EXOC6B: variants seen among roughly 807,000 people sequenced by gnomAD.
The protein encoded by EXOC6B is exocyst complex component 6B.
EXOC6B carries 54 observed loss-of-function variants against 113.5 expected under a neutral mutation model. The ratio of observed to expected loss-of-function variants is 0.48; its 90% CI spans 0.38 to 0.60. The LOEUF is 0.60. Among genes scored for constraint, EXOC6B ranks in the 20% least tolerant of loss-of-function variants. The probability of loss-of-function intolerance (pLI) is 0.00; values close to 1 mark genes in which losing one functional copy is unlikely to be tolerated. For missense variants in EXOC6B, 797 were observed against 977.5 expected (o/e 0.82, Z 2.46); for synonymous variants, 357 against 339.0 (o/e 1.05, Z -0.58).
intron 6 of EXOC6B, among the ~76,000 whole-genome samples, chr2:72,617,807 G>A (rs946873962): frequency 5.9e-5 from 9 of 151,894 alleles, no homozygotes; most frequent in African/African-American, 1.5e-4. Flanking sequence ...GAGCCACCGC[G>A]CCCGGCCAAG....
intron 20 of EXOC6B, among the ~76,000 whole-genome samples, chr2:72,220,435 C>T (rs1173657414): frequency 6.6e-6 from 1 of 152,164 alleles, no homozygotes; most frequent in Non-Finnish European, 1.5e-5. Flanking sequence ...CACAAGCAGA[C>T]TCCTATCATT....
intron 6 of EXOC6B, among the ~76,000 whole-genome samples, chr2:72,605,729 G>C (rs1172772769): frequency 6.6e-6 from 1 of 152,178 alleles, no homozygotes; most frequent in East Asian, 1.9e-4. Flanking sequence ...CTTTCAGGAA[G>C]GTTTATTTAT....
At chr2:72,438,175 T>C (rs1186910056) in intron 18 of EXOC6B, among the ~76,000 whole-genome samples, 2 of 152,140 alleles carry the variant, frequency 1.3e-5, no homozygotes, top group African/African-American at 4.8e-5. Flanking sequence ...AAGGAAACAA[T>C]TAAATTAGAA....
intron 20 of EXOC6B, among the ~76,000 whole-genome samples, chr2:72,320,730 T>G (rs1170361513): frequency 6.6e-6 from 1 of 152,116 alleles, no homozygotes; most frequent in Admixed American, 6.5e-5. Context: ...ATTATAACTG[T>G]ATGTCACTAA....
chr2:72,269,171 A>C (rs960458015), intron 20 of EXOC6B, among the ~76,000 whole-genome samples: 6 of 152,136 alleles, frequency 3.9e-5, no homozygotes, highest in Non-Finnish European at 7.4e-5. Context: ...CTAACTCTAC[A>C]GATTTCTAAA....
At chr2:72,654,280 C>T (rs1674433720) in intron 6 of EXOC6B, among the ~76,000 whole-genome samples, 2 of 152,122 alleles carry the variant, frequency 1.3e-5, no homozygotes, top group South Asian at 4.1e-4. Flanking sequence ...TTAAGGAATG[C>T]TTTTAGAGAT....
At chr2:72,591,705 A>G (rs1329795192) in intron 6 of EXOC6B, among the ~76,000 whole-genome samples, 3 of 152,164 alleles carry the variant, frequency 2.0e-5, no homozygotes, top group African/African-American at 7.2e-5. Flanking sequence ...CTCCTAATGA[A>G]ATTTAACCTT....
At chr2:72,477,060 T>C (rs1315518151) in intron 17 of EXOC6B, among the ~76,000 whole-genome samples, 1 of 152,166 alleles carries the variant, frequency 6.6e-6, no homozygotes, top group Non-Finnish European at 1.5e-5. Flanking sequence ...AGTCCCCTGG[T>C]GCTCAATCCT....
intron 19 of EXOC6B, among the ~76,000 whole-genome samples, chr2:72,355,157 T>C (rs1207397784): frequency 6.6e-6 from 1 of 152,202 alleles, no homozygotes; most frequent in African/African-American, 2.4e-5. Flanking sequence ...TGCCAGCTCC[T>C]ACAGAGAAAA....
chr2:72,485,382 A>T (rs1473500287), intron 16 of EXOC6B, among the ~76,000 whole-genome samples: 1 of 152,230 alleles, frequency 6.6e-6, no homozygotes, highest in Non-Finnish European at 1.5e-5. Context: ...CAAAGGAAGA[A>T]AATGAGAAGT....
At chr2:72,545,901 ATTATC>A (rs1405927828) in intron 8 of EXOC6B, among the ~76,000 whole-genome samples, 1 of 152,198 alleles carries the variant, frequency 6.6e-6, no homozygotes, top group Non-Finnish European at 1.5e-5. Flanking sequence ...TCATTAAGAA[ATTATC>A]TTAACACCTC....
intron 5 of EXOC6B, among the ~76,000 whole-genome samples, chr2:72,720,065 T>A (rs1406848631): frequency 6.6e-6 from 1 of 152,066 alleles, no homozygotes; most frequent in Non-Finnish European, 1.5e-5. Flanking sequence ...TTTACCAAAT[T>A]TATAGCAGCA....
At chr2:72,528,437 A>G (rs957354382) in intron 8 of EXOC6B, among the ~76,000 whole-genome samples, 1 of 152,104 alleles carries the variant, frequency 6.6e-6, no homozygotes, top group Non-Finnish European at 1.5e-5. Context: ...CTTGATTGCT[A>G]TAGCTACATA....
chr2:72,615,260 T>C (rs1573491374), intron 6 of EXOC6B, among the ~76,000 whole-genome samples: 1 of 152,178 alleles, frequency 6.6e-6, no homozygotes, highest in Middle Eastern at 3.4e-3. Context: ...TCAACTATTA[T>C]ATAAATAATT....
Position 72,499,455 on chromosome 2 carries a change from T to C in EXOC6B, c.1239+446A>G, listed in dbSNP as rs1256201902. Among the ~76,000 whole-genome samples the C allele has an allele frequency of 2.0e-5, 3 of 151,756 alleles. No individual in the cohort carries two copies. In the East Asian group the frequency reaches 5.8e-4, roughly 29 times the overall value. ...CATGTTGGCCAGGCTGGTCTCAAAC[T>C]CCTGACCTCAAGTGATCCGCCTGCC... On this transcript the variant is annotated intron_variant, in intron 12 of 21. Coordinates refer to ENST00000272427, the MANE Select transcript of EXOC6B (RefSeq NM_015189.3).
At chr2:72,606,631 C>CTTT (rs200868918) in intron 6 of EXOC6B, among the ~76,000 whole-genome samples, 1 of 144,722 alleles carries the variant, frequency 6.9e-6, no homozygotes, top group Non-Finnish European at 1.5e-5. Flanking sequence ...CACTTTCTTT[C>CTTT]TTTCTTTTTT....
intron 6 of EXOC6B, among the ~76,000 whole-genome samples, chr2:72,716,893 G>A (rs919556618): frequency 2.6e-5 from 4 of 152,104 alleles, no homozygotes; most frequent in African/African-American, 9.7e-5. Flanking sequence ...TAGAGGCTTT[G>A]TACTACACTC....
rs1000724833 is a variant in EXOC6B at position 72,477,117 on chromosome 2, C to G, written c.1800+3499G>C. Among the ~76,000 whole-genome samples the G allele has an allele frequency of 3.3e-5, 5 of 152,158 alleles. No homozygotes were observed. The South Asian group carries it at 1.0e-3, about 32-fold the overall frequency. On this transcript the variant is annotated intron_variant, in intron 17 of 21. Coordinates refer to ENST00000272427, the MANE Select transcript of EXOC6B (RefSeq NM_015189.3). Reference sequence around the variant, plus strand: ...CTCAAATCCCAGAAGAAAGTCCATCCTGTGCCATCAAATATCATCTTTACA... The same window carrying G: ...CTCAAATCCCAGAAGAAAGTCCATCGTGTGCCATCAAATATCATCTTTACA...
intron 18 of EXOC6B, among the ~76,000 whole-genome samples, chr2:72,428,222 ACAGGGCTGAAACACACCCCTTGTTCG>A (rs1318366856): frequency 6.6e-6 from 1 of 152,180 alleles, no homozygotes; most frequent in Non-Finnish European, 1.5e-5. Flanking sequence ...TGTAACACAA[ACAGGGCTGAAACACACCCCTTGTTCG>A]CCACGTTCCA....
Sources: gnomAD v4.1 joint callset for allele counts (sites outside exome capture counted in the v4.1 genomes callset) on GRCh38, gnomAD v4.1.1 for gene constraint, MANE v1.5 for transcripts, NCBI Gene and HGNC (gene_info 2026-07-23, HGNC 2026-07-21) for gene names.